The following ANTXR1 variants were observed in gnomAD, a reference collection of about 807,000 sequenced individuals.
The protein encoded by ANTXR1 is anthrax toxin receptor 1.
Under a neutral mutation model 78.1 loss-of-function variants are expected in ANTXR1, and 19 were observed. That is an observed-to-expected ratio of 0.24 (90% CI 0.17 to 0.36). ANTXR1 has a LOEUF of 0.36. Ranked by LOEUF, ANTXR1 falls within the 10% of genes least tolerant of loss-of-function variation. The pLI is 1.00. For synonymous variants in ANTXR1, 273 were observed against 260.5 expected (o/e 1.05, Z -0.46); for missense variants, 518 against 718.6 (o/e 0.72, Z 3.19).
At chr2:69,105,122 A>G (rs80332201) in intron 10 of ANTXR1, among the ~76,000 whole-genome samples, 7,913 of 152,238 alleles carry the variant, frequency 0.052, 321 homozygotes, top group East Asian at 0.16. Flanking sequence ...CAAACTCACT[A>G]TGGATTTGTC....
chr2:69,044,017 C>T (rs1384716814), intron 2 of ANTXR1, among the ~76,000 whole-genome samples: 1 of 152,198 alleles, frequency 6.6e-6, no homozygotes, highest in Admixed American at 6.5e-5. Flanking sequence ...CCACTGCAGT[C>T]TGATGGTCCA....
intron 9 of ANTXR1, among the ~76,000 whole-genome samples, chr2:69,101,896 T>A (rs1671633566): frequency 6.6e-6 from 1 of 152,230 alleles, no homozygotes; most frequent in African/African-American, 2.4e-5. Context: ...TAAGCAAATA[T>A]TCCCAAACAT....
At chr2:69,039,938 G>C (rs1175069452) in intron 1 of ANTXR1, 106 bp from the exon 2 acceptor site, 1 of 914,766 alleles carries the variant, frequency 1.1e-6, no homozygotes, top group Admixed American at 1.9e-5. Flanking sequence ...AATGAGTCCA[G>C]TTATTGGAGA....
intron 10 of ANTXR1, among the ~76,000 whole-genome samples, chr2:69,109,148 C>A (rs1370412392): frequency 2.6e-5 from 4 of 152,080 alleles, no homozygotes; most frequent in Non-Finnish European, 5.9e-5. Flanking sequence ...CATACTATGT[C>A]TTGGGTTGTT....
intron 17 of ANTXR1, among the ~76,000 whole-genome samples, chr2:69,238,474 G>A (rs959266983): frequency 6.6e-6 from 1 of 152,162 alleles, no homozygotes; most frequent in Non-Finnish European, 1.5e-5. Flanking sequence ...TAACTATTAA[G>A]TCATCCAATC....
At chr2:69,212,346 C>T (rs1272293314) in intron 17 of ANTXR1, among the ~76,000 whole-genome samples, 3 of 152,064 alleles carry the variant, frequency 2.0e-5, no homozygotes, top group Admixed American at 6.6e-5. Context: ...GCCCAGGGAG[C>T]GCAGCCTTGA....
rs561439246 is a variant in ANTXR1 at position 69,096,194 on chromosome 2, C to A, written c.703+5275C>A. On this transcript the variant is annotated intron_variant, in intron 9 of 17. Transcript: ENST00000303714. The stretch of plus-strand genomic sequence containing the variant: ...AATGGCATGAACCCGGGAGGCAGAG[C>A]TTGCAGTGAGCCGAGATCATGTCAC... 1.3e-4 allele frequency among the ~76,000 whole-genome samples: 19 copies of A among 151,020 alleles called. No homozygotes were observed. In the South Asian group the frequency reaches 4.0e-3, roughly 32 times the overall value.
intron 4 of ANTXR1, 119 bp downstream of exon 4, chr2:69,070,847 G>C: frequency 2.3e-6 from 2 of 877,294 alleles, no homozygotes; most frequent in Non-Finnish European, 3.8e-6. Context: ...AATAGCAAGA[G>C]AGTACATTTT....
intron 13 of ANTXR1, among the ~76,000 whole-genome samples, chr2:69,164,239 G>A (rs1009756732): frequency 2.6e-5 from 4 of 152,182 alleles, no homozygotes; most frequent in African/African-American, 4.8e-5. Context: ...AGGCCAACCC[G>A]TGACTCTGAT....
rs1388453725 is a variant in ANTXR1, at chr2:69,013,885, C to G, written c.152+234C>G. On this transcript the variant is annotated intron_variant, in intron 1 of 17. Coordinates refer to ENST00000303714, the MANE Select transcript of ANTXR1 (RefSeq NM_032208.3). This position sits in a 1 kb window ranked among gnomAD's most constrained non-coding sequence, Gnocchi z 5.0. ...CGCCGCTTGCTCGGAAGGGGACAGA[C>G]TTCTTTTCTGTCTTGCTTTCTGTGT... Among the ~76,000 whole-genome samples, 1 of 152,192 alleles carries G rather than the reference C, an allele frequency of 6.6e-6. No homozygotes were observed. The highest frequency in any genetic ancestry group is 1.9e-4 in the East Asian group (1 of 5,178).
chr2:69,146,541 T>A, intron 12 of ANTXR1: 1 of 323,486 alleles, frequency 3.1e-6, no homozygotes. Context: ...TAAGGGCAGG[T>A]GGCACTGCCA....
chr2:69,045,878 G>T (rs955555154), intron 3 of ANTXR1, among the ~76,000 whole-genome samples: 3 of 152,042 alleles, frequency 2.0e-5, no homozygotes, highest in Admixed American at 1.3e-4. Flanking sequence ...AGAAACTGAG[G>T]CCATGTCACC....
intron 13 of ANTXR1, among the ~76,000 whole-genome samples, chr2:69,153,063 T>C (rs565440492): frequency 6.2e-4 from 95 of 152,386 alleles, no homozygotes; most frequent in African/African-American, 2.2e-3. Flanking sequence ...ATTTCTAGCC[T>C]GTGCCCTGCC....
At position 69,123,042 on chromosome 2, in the gene ANTXR1, T is replaced by C. The variant is rs780468449; in HGVS notation, c.828T>C (p.Asp276=). The part of the protein sequence containing the change: ...TLNEKPFSVE[D]TYLLCPAPIL... ...ATGAGAAGCCCTTTTCTGTGGAAGA[T>C]ACTTATTTACTGTGTCCAGCGCCTA... Residue 276 remains aspartate (D), a synonymous_variant, in exon 11 of 18, where the codon GAT becomes GAC. Coordinates refer to ENST00000303714, the MANE Select transcript of ANTXR1 (RefSeq NM_032208.3). The C allele has an allele frequency of 1.2e-6, 2 of 1,614,226 alleles. No homozygotes were observed. Among genetic ancestry groups the C allele is most frequent in the African/African-American group, 2.7e-5 (2 of 75,048 alleles).
chr2:69,187,236 T>C (rs754461809), intron 16 of ANTXR1, among the ~76,000 whole-genome samples: 26 of 151,796 alleles, frequency 1.7e-4, no homozygotes, highest in Non-Finnish European at 3.4e-4. Context: ...CAACCACACT[T>C]CCCCCCTTCC....
intron 12 of ANTXR1, among the ~76,000 whole-genome samples, chr2:69,151,370 G>A (rs986664283): frequency 3.3e-5 from 5 of 151,998 alleles, no homozygotes; most frequent in African/African-American, 1.2e-4. Context: ...ACTCCCAGTA[G>A]CTGTAGGGAG....
At chr2:69,146,459 C>T (rs915420565) in intron 12 of ANTXR1, 7 of 841,068 alleles carry the variant, frequency 8.3e-6, no homozygotes, top group Non-Finnish European at 8.6e-6. Context: ...CCACGTGTGG[C>T]TGTTTGCTGT....
chr2:69,188,861 C>G (rs1290974753), intron 16 of ANTXR1, among the ~76,000 whole-genome samples: 2 of 152,178 alleles, frequency 1.3e-5, no homozygotes, highest in African/African-American at 2.4e-5. Context: ...TCTTCTATGG[C>G]ACATCTAGCC....
chr2:69,064,840 G>A (rs1316028782), intron 3 of ANTXR1, among the ~76,000 whole-genome samples: 3 of 152,128 alleles, frequency 2.0e-5, no homozygotes, highest in East Asian at 1.9e-4. Flanking sequence ...AACAAAGAAC[G>A]AAAACCCAGC....
Sources: allele counts gnomAD v4.1 joint callset (sites outside exome capture counted in the v4.1 genomes callset), GRCh38; gene constraint gnomAD v4.1.1; non-coding constraint Gnocchi (gnomAD v3.1); transcripts MANE v1.5; gene names NCBI Gene and HGNC (gene_info 2026-07-23, HGNC 2026-07-21).